RGS3: variants seen among roughly 807,000 people sequenced by gnomAD.
RGS3 encodes regulator of G-protein signalling 3.
A neutral mutation model predicts 132.6 loss-of-function variants in RGS3; 80 were observed. That is an observed-to-expected ratio of 0.60 (90% CI 0.50 to 0.73). RGS3 has a LOEUF of 0.73. RGS3 is among the 30% of genes least tolerant of loss of function. The pLI is 0.00. For missense variants in RGS3, 1,382 were observed against 1,530.8 expected (o/e 0.90, Z 1.62); for synonymous variants, 598 against 620.6 (o/e 0.96, Z 0.54).
intron 14 of RGS3, among the ~76,000 whole-genome samples, chr9:113,510,525 G>A (rs1831359750): frequency 6.6e-6 from 1 of 152,320 alleles, no homozygotes. Flanking sequence ...GAGTCTGGTC[G>A]TGGAGGAGGG....
At chr9:113,543,840 G>A (rs1287265763) in intron 19 of RGS3, among the ~76,000 whole-genome samples, 1 of 152,230 alleles carries the variant, frequency 6.6e-6, no homozygotes, top group Non-Finnish European at 1.5e-5. Flanking sequence ...AGGGTCCCAG[G>A]TCCGGCTGTT....
At position 113,565,123 on chromosome 9, in the gene RGS3, TG is replaced by T. The variant is rs1454117166; in HGVS notation, c.2038-18324del. 2 of 1,174,112 alleles carry T rather than the reference TG, an allele frequency of 1.7e-6. No individual in the cohort carries two copies. The highest frequency in any genetic ancestry group is 1.6e-5 in the African/African-American group (1 of 61,918). 72.7% of individuals were successfully genotyped at this position (1,174,112 alleles called of 1,614,324 possible). On this transcript the variant is annotated intron_variant, in intron 19 of 24. Transcript: ENST00000350696. The surrounding 1 kb of genome is among the most constrained non-coding windows in gnomAD (Gnocchi z 5.7). ...CCGGAGCAGCACTTTGGGGCCAGCT[TG>T]GGCCCTGGGGATGAGCCACAGGGGA...
chr9:113,545,945 C>T (rs1023657939), intron 19 of RGS3, among the ~76,000 whole-genome samples: 1 of 152,182 alleles, frequency 6.6e-6, no homozygotes, highest in African/African-American at 2.4e-5. Flanking sequence ...AGCCCAGCTC[C>T]AGGGTACCTG....
In RGS3 at chr9:113,463,835, G is replaced by A; in HGVS notation, c.415+1634G>A. The A allele has an allele frequency of 6.2e-7, 1 of 1,613,072 alleles. No homozygotes were observed. On this transcript the variant is annotated intron_variant, in intron 3 of 24. Transcript: ENST00000350696. The surrounding 1 kb of genome is among the most constrained non-coding windows in gnomAD (Gnocchi z 4.6). ...GCTCCCTGCACCGCGTCTCCCTCGG[G>A]AGCCGGCGTGCCCACCCGGACTTGT... is the stretch of plus-strand genomic sequence containing the variant.
In RGS3 at chr9:113,507,533, G is replaced by C. The variant is rs141189841; in HGVS notation, c.1332G>C (p.Glu444Asp). 2.5e-6 allele frequency: 4 copies of C among 1,603,892 alleles called. No individual in the cohort carries two copies. The African/African-American group carries it at 5.3e-5, about 21-fold the overall frequency. Reference sequence around the variant, plus strand: ...TCGGCGGCTGGGAGCGCTACACCGAGGTGGCCAAGCGCGGGGGCCAGCACA... The same window carrying C: ...TCGGCGGCTGGGAGCGCTACACCGACGTGGCCAAGCGCGGGGGCCAGCACA... The change falls in exon 13 of 25, where the codon GAG (glutamate) becomes GAC (aspartate). Residue 444 changes from glutamate (E) to aspartate (D), a missense_variant. Glu to Asp is a conservative substitution (Grantham distance 45). Coordinates refer to ENST00000350696, the Ensembl canonical transcript of RGS3. The surrounding 1 kb of genome is among the most constrained non-coding windows in gnomAD (Gnocchi z 5.0).
In RGS3 at chr9:113,591,253, G is replaced by A. The variant is rs1469536931; in HGVS notation, c.3016-80G>A. On this transcript the variant is annotated intron_variant, in intron 20 of 24. Transcript: ENST00000350696. This position sits in a 1 kb window ranked among gnomAD's most constrained non-coding sequence, Gnocchi z 4.4. ...ATGGAAGGGGCTGGTGGCAGGGAAT[G>A]TTGGGTCTCTGAGCCTCTGTTTACT... is the stretch of plus-strand genomic sequence containing the variant. 2 of 1,300,898 alleles carry A rather than the reference G, an allele frequency of 1.5e-6. No individual in the cohort carries two copies. The highest frequency in any genetic ancestry group is 1.7e-5 in the Admixed American group (1 of 57,456). The allele number at this position is 1,300,898 out of a possible 1,614,324, so 80.6% of individuals were successfully genotyped here.
intron 7 of RGS3, among the ~76,000 whole-genome samples, chr9:113,487,060 C>A (rs1475875889): frequency 2.1e-5 from 3 of 144,186 alleles, no homozygotes; most frequent in African/African-American, 4.9e-5. Flanking sequence ...TGGGTGCTGA[C>A]CTGGAGCCAG....
intron 19 of RGS3, among the ~76,000 whole-genome samples, chr9:113,545,461 T>G (rs1014908824): frequency 5.9e-5 from 9 of 152,208 alleles, no homozygotes; most frequent in Non-Finnish European, 8.8e-5. Context: ...AAAAACTGTT[T>G]CCAGGCAGCC....
chr9:113,547,740 C>G (rs1406140601), intron 19 of RGS3, among the ~76,000 whole-genome samples: 1 of 152,204 alleles, frequency 6.6e-6, no homozygotes, highest in African/African-American at 2.4e-5. Flanking sequence ...CTGGTGTGGT[C>G]AGAAGTCTCC....
At chr9:113,462,308 GT>G in intron 3 of RGS3, 1 of 615,840 alleles carries the variant, frequency 1.6e-6, no homozygotes, top group Non-Finnish European at 2.7e-6. Flanking sequence ...GGAGAGTGGG[GT>G]GGGGTGGGGG....
intron 20 of RGS3, among the ~76,000 whole-genome samples, chr9:113,590,886 C>T (rs1335329863): frequency 1.3e-5 from 2 of 152,214 alleles, no homozygotes; most frequent in African/African-American, 4.8e-5. Context: ...TTATTTTATA[C>T]ACTGCTGACC....
chr9:113,466,940 C>T (rs1372333235), intron 3 of RGS3, among the ~76,000 whole-genome samples: 1 of 152,074 alleles, frequency 6.6e-6, no homozygotes, highest in African/African-American at 2.4e-5. Context: ...GTAGATTTGC[C>T]TGTTCTGGAC....
At chr9:113,501,775 T>A in intron 10 of RGS3, 7 of 898,892 alleles carry the variant, frequency 7.8e-6, no homozygotes, top group Non-Finnish European at 8.6e-6. Flanking sequence ...GGGAGGAGGA[T>A]AGAGACAGGA....
At chr9:113,459,243 A>C (rs1007029287), upstream of RGS3, among the ~76,000 whole-genome samples, 5 of 152,274 alleles carry the variant, frequency 3.3e-5, no homozygotes, top group Middle Eastern at 3.4e-3. Context: ...TTTCTTGAAG[A>C]TCTTATAGAA....
At chr9:113,570,214 C>T (rs2118881880) in intron 19 of RGS3, 1 of 152,250 alleles carries the variant, frequency 6.6e-6, no homozygotes, top group East Asian at 1.9e-4. Context: ...ATTCTGTGTC[C>T]TGATAGCAGT....
At chr9:113,454,249 C>T (rs896291889) in intron 1 of RGS3, among the ~76,000 whole-genome samples, 4 of 152,014 alleles carry the variant, frequency 2.6e-5, no homozygotes, top group African/African-American at 9.7e-5. Flanking sequence ...TTTTTGGGTT[C>T]TAGATATTTT....
intron 19 of RGS3, chr9:113,541,334 CGGCTCTCTCCAGCAG>C (rs755652265): frequency 6.2e-7 from 1 of 1,613,182 alleles, no homozygotes; most frequent in South Asian, 1.1e-5. Flanking sequence ...TCCACCCTTT[CGGCTCTCTCCAGCAG>C]GAGATGGGGC....
intron 19 of RGS3, among the ~76,000 whole-genome samples, chr9:113,561,737 G>A (rs767776651): frequency 6.6e-6 from 1 of 152,116 alleles, no homozygotes; most frequent in African/African-American, 2.4e-5. Flanking sequence ...CCCATGAGGT[G>A]CATTGGTCTT....
chr9:113,582,639 T>C (rs1834882587), intron 19 of RGS3: 1 of 152,226 alleles, frequency 6.6e-6, no homozygotes, highest in South Asian at 2.1e-4. Context: ...CTATTCAGAC[T>C]TTCATTAAGA....
Sources: gnomAD v4.1 joint callset for allele counts (sites outside exome capture counted in the v4.1 genomes callset) on GRCh38, gnomAD v4.1.1 for gene constraint, Gnocchi (gnomAD v3.1) non-coding constraint, MANE v1.5 for transcripts, NCBI Gene and HGNC (gene_info 2026-07-23, HGNC 2026-07-21) for gene names.